The following TECPR2 variants were observed in gnomAD, a reference collection of about 807,000 sequenced individuals.
TECPR2 encodes tectonin beta-propeller repeat-containing protein 2.
Under a neutral mutation model 138.1 loss-of-function variants are expected in TECPR2, and 65 were observed. The ratio of observed to expected loss-of-function variants is 0.47; its 90% CI spans 0.39 to 0.58. The LOEUF (loss-of-function observed/expected upper bound fraction) is 0.58. TECPR2 is among the 20% of genes least tolerant of loss of function. The probability of loss-of-function intolerance (pLI) is 0.00; values close to 1 mark genes in which losing one functional copy is unlikely to be tolerated. For missense variants in TECPR2, 1,553 were observed against 1,824.5 expected (o/e 0.85, Z 2.71); for synonymous variants, 746 against 749.8 (o/e 0.99, Z 0.08).
At chr14:102,407,222 A>G in intron 2 of TECPR2, 116 bp from the exon 3 acceptor site, 1 of 1,326,888 alleles carries the variant, frequency 7.5e-7, no homozygotes, top group Non-Finnish European at 1.0e-6. Flanking sequence ...TTCAATCAAG[A>G]ATATGTATGG....
intron 3 of TECPR2, among the ~76,000 whole-genome samples, chr14:102,407,781 G>A (rs1327906479): frequency 6.6e-6 from 1 of 152,138 alleles, no homozygotes; most frequent in African/African-American, 2.4e-5. Context: ...CAGATCACGA[G>A]GTCAGGAGAT....
chr14:102,455,828 G>A (rs1297447063), intron 16 of TECPR2, among the ~76,000 whole-genome samples: 1 of 152,174 alleles, frequency 6.6e-6, no homozygotes, highest in Non-Finnish European at 1.5e-5. Flanking sequence ...GGCCAGTCTG[G>A]TCCTGAACTC....
At chr14:102,402,353 C>G (rs2139687198) in intron 2 of TECPR2, among the ~76,000 whole-genome samples, 2 of 152,122 alleles carry the variant, frequency 1.3e-5, no homozygotes, top group Middle Eastern at 3.4e-3. Context: ...AGATGATTGA[C>G]AATGAAAACA....
At chr14:102,444,601 A>G (rs775973468) in intron 12 of TECPR2, among the ~76,000 whole-genome samples, 2 of 152,142 alleles carry the variant, frequency 1.3e-5, no homozygotes, top group Non-Finnish European at 2.9e-5. Flanking sequence ...GGAAGTATTA[A>G]TAGTCCTTTG....
rs1889145448 is a variant in TECPR2 at position 102,420,321 on chromosome 14, C to T, written c.639-4658C>T. Among the ~76,000 whole-genome samples, 1 of 152,174 alleles carries T rather than the reference C, an allele frequency of 6.6e-6. No individual in the cohort carries two copies. Among genetic ancestry groups the T allele is most frequent in the Non-Finnish European group, 1.5e-5 (1 of 68,034 alleles). Reference sequence around the variant, plus strand: ...ACTTAGACCTTAAAAGTTGGAGCTTCAGTGTCAAATTCAGAAAGCACCAGC... The same window carrying T: ...ACTTAGACCTTAAAAGTTGGAGCTTTAGTGTCAAATTCAGAAAGCACCAGC... On this transcript the variant is annotated intron_variant, in intron 5 of 19. Coordinates refer to ENST00000359520, the MANE Select transcript of TECPR2 (RefSeq NM_014844.5). The surrounding 1 kb of genome is among the most constrained non-coding windows in gnomAD (Gnocchi z 4.1).
chr14:102,476,348 A>G (rs1028938381), intron 17 of TECPR2, among the ~76,000 whole-genome samples: 1 of 150,246 alleles, frequency 6.7e-6, no homozygotes, highest in African/African-American at 2.4e-5. Flanking sequence ...CCTGGGCAAG[A>G]TGGCAAGACC....
intron 11 of TECPR2, among the ~76,000 whole-genome samples, chr14:102,441,020 C>T (rs1353215094): frequency 6.6e-6 from 1 of 151,888 alleles, no homozygotes; most frequent in Non-Finnish European, 1.5e-5. Context: ...AAGCCCGGCT[C>T]CTATATACTT....
At chr14:102,431,691 C>A in intron 7 of TECPR2, 105 bp from the exon 8 acceptor site, 1 of 1,145,716 alleles carries the variant, frequency 8.7e-7, no homozygotes, top group Non-Finnish European at 1.2e-6. Context: ...CTTTAGCTGG[C>A]TGGTGCCTCT....
chr14:102,414,471 C>T (rs1165559740), intron 4 of TECPR2, among the ~76,000 whole-genome samples, 165 bp from the exon 5 acceptor site: 2 of 152,182 alleles, frequency 1.3e-5, no homozygotes, highest in Admixed American at 6.5e-5. Context: ...CAAATAATCT[C>T]GCTATGGTGG....
At chr14:102,448,940 T>G (rs1180816423) in intron 13 of TECPR2, among the ~76,000 whole-genome samples, 3 of 152,122 alleles carry the variant, frequency 2.0e-5, no homozygotes, top group Non-Finnish European at 4.4e-5. Context: ...TACCGTATAC[T>G]GTTGTCCATT....
In TECPR2 at chr14:102,369,716, T is replaced by G. The variant is rs868103755; in HGVS notation, c.-73+6600T>G. On this transcript the variant is annotated intron_variant, in intron 1 of 19. Transcript: ENST00000359520. ...CAGCACTTTGGGAGGCCGAGGCGGGTGGATCACAAGATCAGGAGATTGAGA... is the reference window on the plus strand; with the variant it reads ...CAGCACTTTGGGAGGCCGAGGCGGGGGGATCACAAGATCAGGAGATTGAGA... 1.8e-3 allele frequency among the ~76,000 whole-genome samples: 268 copies of G among 151,042 alleles called. 2 individuals are homozygous for G. The highest frequency in any genetic ancestry group is 6.2e-3 in the African/African-American group (254 of 41,110).
rs936786174 is a variant in TECPR2 at position 102,431,527 on chromosome 14, A to G, written c.1085-269A>G. ...CCGGCTAATTTTTTGTATTTTTAGTAGAGACGGGGTTTCACTGTGTTAGCC... is the reference window on the plus strand; with the variant it reads ...CCGGCTAATTTTTTGTATTTTTAGTGGAGACGGGGTTTCACTGTGTTAGCC... On this transcript the variant is annotated intron_variant, in intron 7 of 19. Coordinates refer to ENST00000359520, the MANE Select transcript of TECPR2 (RefSeq NM_014844.5). 5.3e-5 allele frequency among the ~76,000 whole-genome samples: 8 copies of G among 151,946 alleles called. No homozygotes were observed. In the East Asian group the frequency reaches 9.7e-4, roughly 18 times the overall value.
In TECPR2 at chr14:102,461,359, A is replaced by G. The variant is rs539682787; in HGVS notation, c.3641-3782A>G. Among the ~76,000 whole-genome samples, 25 of 152,350 alleles carry G rather than the reference A, an allele frequency of 1.6e-4. No homozygotes were observed. In the South Asian group the frequency reaches 5.0e-3, roughly 30 times the overall value. On this transcript the variant is annotated intron_variant, in intron 16 of 19. Transcript: ENST00000359520. ...CAGTGTCAGTTTATGCCGTTAGGTA[A>G]CAAACAGGATTGTGTTACGCAGTAA...
At chr14:102,440,988 A>AT (rs961552178) in intron 11 of TECPR2, among the ~76,000 whole-genome samples, 80 of 148,152 alleles carry the variant, frequency 5.4e-4, no homozygotes, top group Middle Eastern at 3.5e-3. Context: ...AAGTGGCTGC[A>AT]TTTTTTTTTT....
intron 1 of TECPR2, among the ~76,000 whole-genome samples, chr14:102,372,343 A>G (rs2139651559): frequency 6.6e-6 from 1 of 151,686 alleles, no homozygotes; most frequent in Non-Finnish European, 1.5e-5. Flanking sequence ...TTGGCTCACC[A>G]CAACCTCTGC....
rs780598358 is a variant in TECPR2 at position 102,415,784 on chromosome 14, CAG to C, written c.638+992_638+993del. On this transcript the variant is annotated intron_variant, in intron 5 of 19. Coordinates refer to ENST00000359520, the MANE Select transcript of TECPR2 (RefSeq NM_014844.5). This position sits in a 1 kb window ranked among gnomAD's most constrained non-coding sequence, Gnocchi z 4.3. ...AGGGCACTGTTTGCCTGCATAGAAT[CAG>C]GGGCAGGGCAGCTGATGGTCACGGC... 5.3e-5 allele frequency among the ~76,000 whole-genome samples: 8 copies of C among 152,178 alleles called. No homozygotes were observed. Among genetic ancestry groups the C allele is most frequent in the African/African-American group, 7.2e-5 (3 of 41,438 alleles).
intron 2 of TECPR2, among the ~76,000 whole-genome samples, chr14:102,382,495 A>G: frequency 6.6e-6 from 1 of 152,244 alleles, no homozygotes; most frequent in East Asian, 1.9e-4. Flanking sequence ...TCCTCTCTCA[A>G]TAATAGAAGT....
At chr14:102,376,310 A>G (rs1286488490) in intron 1 of TECPR2, among the ~76,000 whole-genome samples, 1 of 152,124 alleles carries the variant, frequency 6.6e-6, no homozygotes, top group Non-Finnish European at 1.5e-5. Flanking sequence ...CCCACAAATT[A>G]TCACCTCATT....
At chr14:102,494,716 C>A (rs1454675065) in intron 17 of TECPR2, among the ~76,000 whole-genome samples, 1 of 147,102 alleles carries the variant, frequency 6.8e-6, no homozygotes, top group Non-Finnish European at 1.5e-5. Context: ...CTCAGCTACT[C>A]GGGAGGCTGA....
Sources: gnomAD v4.1 joint callset for allele counts (sites outside exome capture counted in the v4.1 genomes callset) on GRCh38, gnomAD v4.1.1 for gene constraint, Gnocchi (gnomAD v3.1) non-coding constraint, MANE v1.5 for transcripts, NCBI Gene and HGNC (gene_info 2026-07-23, HGNC 2026-07-21) for gene names.